DNAH10: variants seen among roughly 807,000 people sequenced by gnomAD.
DNAH10 encodes axonemal beta dynein heavy chain 10.
Under a neutral mutation model 506.6 loss-of-function variants are expected in DNAH10, and 348 were observed. The ratio of observed to expected loss-of-function variants is 0.69; its 90% CI spans 0.63 to 0.75. The LOEUF is 0.75. Ranked by LOEUF, DNAH10 falls within the 30% of genes least tolerant of loss-of-function variation. DNAH10 has a pLI of 0.00. For synonymous variants in DNAH10, 2,059 were observed against 2,198.6 expected (o/e 0.94, Z 1.78); for missense variants, 5,179 against 5,787.1 (o/e 0.89, Z 3.41).
chr12:123,850,171 G>T lies in DNAH10; in HGVS notation c.6103-717G>T, dbSNP rs1951101927. Among the ~76,000 whole-genome samples, 1 of 97,290 alleles carries T rather than the reference G, an allele frequency of 1.0e-5. No individual in the cohort carries two copies. The highest frequency in any genetic ancestry group is 2.6e-4 in the South Asian group (1 of 3,780). The allele number at this position is 97,290 out of a possible 152,430, so 63.8% of individuals were successfully genotyped here. ...CCCTCTCGTTGGTGATGCAGACTGT[G>T]CCTCCTAACAACAAAAATTTTCTGT... On this transcript the variant is annotated intron_variant, in intron 34 of 78. Transcript: ENST00000673944. This position sits in a 1 kb window ranked among gnomAD's most constrained non-coding sequence, Gnocchi z 5.5.
chr12:123,864,624 C>CATGAATT lies in DNAH10; in HGVS notation c.6938_6939insATGAATT (p.Leu2314Ter). On this transcript the variant is annotated stop_gained and frameshift_variant, in exon 40 of 79. Transcript: ENST00000673944. LOFTEE classifies it high-confidence loss of function. ...ATTTTATTTGATGGTGATGTGGATG[C>CATGAATT]TCTATGGGTGGAAAACATGAATTCT... 1 of 1,613,930 alleles carries CATGAATT rather than the reference C, an allele frequency of 6.2e-7. No homozygotes were observed. The highest frequency in any genetic ancestry group is 8.5e-7 in the Non-Finnish European group (1 of 1,179,882).
intron 70 of DNAH10, 123 bp from the exon 71 acceptor site, chr12:123,929,152 T>C (rs2137691755): frequency 3.1e-6 from 3 of 972,052 alleles, no homozygotes; most frequent in Non-Finnish European, 4.6e-6. Flanking sequence ...ACTTTAGCTA[T>C]TGGAGGTCTC....
At chr12:123,858,948 T>C (rs1314060640) in intron 37 of DNAH10, among the ~76,000 whole-genome samples, 2 of 151,986 alleles carry the variant, frequency 1.3e-5, no homozygotes, top group Non-Finnish European at 2.9e-5. Flanking sequence ...GAGAGATGGG[T>C]ACAGGGTTTT....
Position 123,900,961 on chromosome 12 carries a change from T to C in DNAH10, c.9641-1978T>C, listed in dbSNP as rs146239518. ...TGTGATTGGACAGATTTGGGTCACA[T>C]GCCCATGCCGAAACCAATCCTGGTG... On this transcript the variant is annotated intron_variant, in intron 56 of 78. Transcript: ENST00000673944. 4.6e-5 allele frequency among the ~76,000 whole-genome samples: 7 copies of C among 152,302 alleles called. No individual in the cohort carries two copies. In the East Asian group the frequency reaches 1.2e-3, roughly 25 times the overall value.
chr12:123,818,469 T>C (rs1428856109), intron 21 of DNAH10, among the ~76,000 whole-genome samples: 1 of 151,816 alleles, frequency 6.6e-6, no homozygotes, highest in African/African-American at 2.4e-5. Flanking sequence ...AACTACAGGC[T>C]CCTGCCACCA....
At chr12:123,765,624 T>C (rs1197260521) in intron 1 of DNAH10, among the ~76,000 whole-genome samples, 3 of 149,294 alleles carry the variant, frequency 2.0e-5, no homozygotes, top group Non-Finnish European at 4.5e-5. Context: ...ATACATCTAT[T>C]TATCTATCTC....
chr12:123,900,024 C>G (rs1953446766), intron 56 of DNAH10, among the ~76,000 whole-genome samples: 1 of 152,188 alleles, frequency 6.6e-6, no homozygotes, highest in African/African-American at 2.4e-5. Flanking sequence ...TACCTAATTT[C>G]TCATGACACC....
chr12:123,873,547 T>G lies in DNAH10; in HGVS notation c.7786-11T>G, dbSNP rs774972218. 2 of 1,597,538 alleles carry G rather than the reference T, an allele frequency of 1.3e-6. No homozygotes were observed. Among genetic ancestry groups the G allele is most frequent in the Non-Finnish European group, 1.7e-6 (2 of 1,172,122 alleles). ...AAAGCTGGCTTTTCACATCATCTCT[T>G]TCTGCTTCAGATTGTGTTAATGGTC... On this transcript the variant is annotated splice_polypyrimidine_tract_variant and intron_variant, in intron 45 of 78. Transcript: ENST00000673944.
intron 19 of DNAH10, among the ~76,000 whole-genome samples, chr12:123,812,557 G>T (rs1030316509): frequency 6.6e-6 from 1 of 152,222 alleles, no homozygotes; most frequent in African/African-American, 2.4e-5. Context: ...CAGTCAATTT[G>T]CCTGAATGTG....
chr12:123,853,862 A>ACGGACACACGCACGCG lies in DNAH10; in HGVS notation c.6438+511_6438+512insGGACACACGCACGCGC. On this transcript the variant is annotated intron_variant, in intron 36 of 78. Coordinates refer to ENST00000673944, the MANE Select transcript of DNAH10 (RefSeq NM_001372106.1). The surrounding 1 kb of genome is among the most constrained non-coding windows in gnomAD (Gnocchi z 4.7). ...CACACGCACGGACACACGCACGCGCACACACACACGGATACATGCACGCGC... is the reference window on the plus strand; with the variant it reads ...CACACGCACGGACACACGCACGCGCACGGACACACGCACGCGCACACACACGGATACATGCACGCGC... 1.3e-5 allele frequency among the ~76,000 whole-genome samples: 1 copy of ACGGACACACGCACGCG among 75,856 alleles called. No homozygotes were observed. Among genetic ancestry groups the ACGGACACACGCACGCG allele is most frequent in the Non-Finnish European group, 3.2e-5 (1 of 30,912 alleles). 49.8% of individuals were successfully genotyped at this position (75,856 alleles called of 152,430 possible). A position where few individuals can be genotyped will look rare whatever the true frequency, so the allele number is the denominator to read the frequency against.
chr12:123,794,873 C>T (rs1958217407), intron 12 of DNAH10, among the ~76,000 whole-genome samples: 2 of 148,264 alleles, frequency 1.3e-5, no homozygotes, highest in South Asian at 2.2e-4. Context: ...GCTGGCCAGT[C>T]GCTGTGACTC....
intron 59 of DNAH10, among the ~76,000 whole-genome samples, chr12:123,911,246 G>T (rs1425382058): frequency 1.1e-5 from 1 of 90,128 alleles, no homozygotes; most frequent in Non-Finnish European, 2.3e-5. Flanking sequence ...AGCTGCAGCT[G>T]AATGTGGCCT....
At chr12:123,821,992 G>A (rs1417114278) in intron 24 of DNAH10, among the ~76,000 whole-genome samples, 1 of 152,168 alleles carries the variant, frequency 6.6e-6, no homozygotes, top group African/African-American at 2.4e-5. Context: ...GATCACTTGA[G>A]GCCAGGAGTT....
chr12:123,814,653 C>T (rs574327826), intron 21 of DNAH10, among the ~76,000 whole-genome samples: 23 of 131,410 alleles, frequency 1.8e-4, no homozygotes, highest in Admixed American at 5.3e-4. Context: ...CTCGCTCTGT[C>T]GCCCAGGCTG....
intron 39 of DNAH10, 100 bp from the exon 40 acceptor site, chr12:123,864,495 C>A: frequency 6.8e-7 from 1 of 1,480,804 alleles, no homozygotes; most frequent in South Asian, 1.4e-5. Context: ...GGTAGAAAAC[C>A]CTGGGAAAAA....
intron 8 of DNAH10, among the ~76,000 whole-genome samples, chr12:123,784,380 C>G (rs943096770): frequency 2.0e-5 from 3 of 152,064 alleles, no homozygotes; most frequent in African/African-American, 7.2e-5. Flanking sequence ...AACCCTGTCT[C>G]TCCAAAAAAT....
chr12:123,765,925 A>C (rs1425751243), intron 1 of DNAH10, among the ~76,000 whole-genome samples: 6 of 151,434 alleles, frequency 4.0e-5, no homozygotes, highest in African/African-American at 1.2e-4. Flanking sequence ...TCTATTATCT[A>C]CGTGCCAACT....
At chr12:123,874,415 C>T (rs1023015776) in intron 46 of DNAH10, among the ~76,000 whole-genome samples, 12 of 152,078 alleles carry the variant, frequency 7.9e-5, no homozygotes, top group African/African-American at 2.7e-4. Context: ...ACCCATCCAA[C>T]CATCCATCTG....
rs1234765402 is a variant in DNAH10, at chr12:123,903,057, G to A, written c.9759G>A (p.Leu3253=). 6.2e-7 allele frequency: 1 copy of A among 1,611,106 alleles called. No homozygotes were observed. The highest frequency in any genetic ancestry group is 1.3e-5 in the African/African-American group (1 of 74,848). ...ETTLAEVMPI[L]EAAKLELQKL... is the part of the protein sequence containing the mutation. Reference sequence around the variant, plus strand: ...CCCTGGCAGAGGTCATGCCCATCCTGGAGGCCGCCAAGCTGGAACTGCAGA... The same window carrying A: ...CCCTGGCAGAGGTCATGCCCATCCTAGAGGCCGCCAAGCTGGAACTGCAGA... Residue 3253 remains leucine (L), a synonymous_variant, in exon 57 of 79, where the codon CTG becomes CTA. Coordinates refer to ENST00000673944, the MANE Select transcript of DNAH10 (RefSeq NM_001372106.1). The surrounding 1 kb of genome is among the most constrained non-coding windows in gnomAD (Gnocchi z 4.6).
Sources: allele counts gnomAD v4.1 joint callset (sites outside exome capture counted in the v4.1 genomes callset), GRCh38; gene constraint gnomAD v4.1.1; non-coding constraint Gnocchi (gnomAD v3.1); transcripts MANE v1.5; gene names NCBI Gene and HGNC (gene_info 2026-07-23, HGNC 2026-07-21).